Variants in DOCK10 observed in about 807,000 individuals in gnomAD.
DOCK10 encodes the protein dedicator of cytokinesis 10, also known as dedicator of cytokinesis protein 10.
DOCK10 carries 145 observed loss-of-function variants against 280.1 expected under a neutral mutation model. The ratio of observed to expected loss-of-function variants is 0.52; its 90% CI spans 0.45 to 0.59. The LOEUF is 0.59. Ranked by LOEUF, DOCK10 falls within the 20% of genes least tolerant of loss-of-function variation. The pLI is 0.00. For missense variants in DOCK10, 2,368 were observed against 2,651.7 expected (o/e 0.89, Z 2.35); for synonymous variants, 915 against 942.2 (o/e 0.97, Z 0.53).
chr2:224,879,130 A>C (rs1698820540), intron 7 of DOCK10, among the ~76,000 whole-genome samples: 1 of 152,210 alleles, frequency 6.6e-6, no homozygotes, highest in Non-Finnish European at 1.5e-5. Context: ...ATTTTGAAAA[A>C]ATCATTTTGA....
In DOCK10 at chr2:225,008,320, G is replaced by T. The variant is rs1575162424; in HGVS notation, c.123+33932C>A. Among the ~76,000 whole-genome samples, 4 of 152,244 alleles carry T rather than the reference G, an allele frequency of 2.6e-5. No homozygotes were observed. The East Asian group carries it at 7.7e-4, about 29-fold the overall frequency. On this transcript the variant is annotated intron_variant, in intron 1 of 55. Transcript: ENST00000258390. Reference sequence around the variant, plus strand: ...TGCCGAGAATTCACAAACATTTCTTGAGTGAAGACTCTTTGTTATGCATGG... The same window carrying T: ...TGCCGAGAATTCACAAACATTTCTTTAGTGAAGACTCTTTGTTATGCATGG...
intron 31 of DOCK10, among the ~76,000 whole-genome samples, chr2:224,808,907 CA>C (rs1406464438): frequency 6.6e-6 from 1 of 151,938 alleles, no homozygotes; most frequent in Non-Finnish European, 1.5e-5. Context: ...GGGCAAGTGA[CA>C]ACGTGATATC....
chr2:224,870,508 A>T (rs1001741859), intron 11 of DOCK10, among the ~76,000 whole-genome samples: 1 of 151,958 alleles, frequency 6.6e-6, no homozygotes, highest in Non-Finnish European at 1.5e-5. Flanking sequence ...AACATCCTCC[A>T]CTTTGCCATG....
intron 1 of DOCK10, among the ~76,000 whole-genome samples, chr2:224,950,362 T>A (rs6711462): frequency 1.3e-5 from 2 of 151,944 alleles, no homozygotes; most frequent in East Asian, 3.9e-4. Context: ...CCTATTTAAA[T>A]CATCCAACAA....
chr2:224,924,502 T>C (rs187448832), intron 2 of DOCK10, among the ~76,000 whole-genome samples: 1 of 152,358 alleles, frequency 6.6e-6, no homozygotes, highest in African/African-American at 2.4e-5. Context: ...TCAAGGTTGA[T>C]CTAAATTGCA....
chr2:224,798,172 T>G (rs1692717702), intron 41 of DOCK10, among the ~76,000 whole-genome samples: 1 of 152,120 alleles, frequency 6.6e-6, no homozygotes, highest in Non-Finnish European at 1.5e-5. Flanking sequence ...GGAAATAGAC[T>G]AGGATGATGT....
chr2:225,004,849 C>T (rs934009243), intron 1 of DOCK10, among the ~76,000 whole-genome samples: 3 of 152,236 alleles, frequency 2.0e-5, no homozygotes, highest in Non-Finnish European at 2.9e-5. Flanking sequence ...ATTCAGTCCA[C>T]GTGTGGCTCA....
At chr2:225,026,460 A>G (rs973097393) in intron 1 of DOCK10, among the ~76,000 whole-genome samples, 12 of 152,210 alleles carry the variant, frequency 7.9e-5, no homozygotes, top group Non-Finnish European at 4.4e-5. Flanking sequence ...AGTGACTTAC[A>G]TAAATCACTA....
intron 4 of DOCK10, among the ~76,000 whole-genome samples, chr2:224,895,342 C>A (rs1481376805): frequency 6.6e-6 from 1 of 152,198 alleles, no homozygotes; most frequent in Non-Finnish European, 1.5e-5. Flanking sequence ...CATATCAGTG[C>A]TTCACTTGAG....
chr2:224,774,157 T>C (rs889685069), intron 52 of DOCK10, among the ~76,000 whole-genome samples: 1 of 152,208 alleles, frequency 6.6e-6, no homozygotes, highest in Non-Finnish European at 1.5e-5. Flanking sequence ...CTGTAGCCTA[T>C]TCCAGGATGG....
chr2:225,031,466 G>C (rs1482431810), intron 1 of DOCK10, among the ~76,000 whole-genome samples: 1 of 152,226 alleles, frequency 6.6e-6, no homozygotes, highest in Non-Finnish European at 1.5e-5. Context: ...GCCGAAGGAC[G>C]AATCTGTAGT....
chr2:224,864,494 GGA>G, intron 13 of DOCK10, 57 bp downstream of exon 13: 1 of 1,455,576 alleles, frequency 6.9e-7, no homozygotes, highest in East Asian at 2.5e-5. Flanking sequence ...TGGGTGACAG[GGA>G]GAGACTCTAT....
chr2:224,947,232 A>C (rs1703471106), intron 1 of DOCK10, among the ~76,000 whole-genome samples: 1 of 152,224 alleles, frequency 6.6e-6, no homozygotes, highest in Non-Finnish European at 1.5e-5. Context: ...GTTTAAGAGA[A>C]TTGTTCACAG....
intron 50 of DOCK10, among the ~76,000 whole-genome samples, chr2:224,781,752 C>A (rs1037669259): frequency 4.6e-5 from 7 of 152,200 alleles, no homozygotes; most frequent in African/African-American, 1.4e-4. Context: ...AGAACACACA[C>A]TAGTTAAACA....
Position 224,856,886 on chromosome 2 carries a change from T to C in DOCK10, c.1782A>G (p.Leu594=), listed in dbSNP as rs1697184725. Residue 594 remains leucine, a synonymous_variant, in exon 15 of 56, where the codon CTA becomes CTG. Coordinates refer to ENST00000258390, the MANE Select transcript of DOCK10 (RefSeq NM_014689.3). ...TTCTATAATCTGATACTAGTTTAAC[T>C]AGGTCCTCAGTTGAAATCTTGCTAC... ...QESSKISTED[L]VKLVSDYRRA... is the part of the protein sequence containing the mutation. 1 of 1,611,578 alleles carries C rather than the reference T, an allele frequency of 6.2e-7. No individual in the cohort carries two copies. The highest frequency in any genetic ancestry group is 8.5e-7 in the Non-Finnish European group (1 of 1,178,324).
intron 1 of DOCK10, chr2:224,946,938 C>A (rs1703454506): frequency 6.5e-7 from 1 of 1,542,968 alleles, no homozygotes; most frequent in Non-Finnish European, 8.7e-7. Context: ...AAAAACCTTC[C>A]CTCGAAAACT....
chr2:224,884,468 A>C (rs1179754407), intron 7 of DOCK10, among the ~76,000 whole-genome samples: 1 of 152,226 alleles, frequency 6.6e-6, no homozygotes, highest in Non-Finnish European at 1.5e-5. Flanking sequence ...GAAGGTTGCT[A>C]AAACACTTTT....
intron 7 of DOCK10, among the ~76,000 whole-genome samples, chr2:224,880,775 T>A (rs551086504): frequency 1.1e-4 from 16 of 152,308 alleles, no homozygotes; most frequent in Admixed American, 2.0e-4. Context: ...GGACTGAATA[T>A]CAAAGAGGGA....
At chr2:224,863,934 C>G (rs1019429087) in intron 13 of DOCK10, among the ~76,000 whole-genome samples, 4 of 152,170 alleles carry the variant, frequency 2.6e-5, no homozygotes, top group Non-Finnish European at 4.4e-5. Flanking sequence ...TGTTCATCAT[C>G]AGCATTGCTG....
Sources: allele counts gnomAD v4.1 joint callset (sites outside exome capture counted in the v4.1 genomes callset), GRCh38; gene constraint gnomAD v4.1.1; transcripts MANE v1.5; gene names NCBI Gene and HGNC (gene_info 2026-07-23, HGNC 2026-07-21).